The following CNTNAP2 variants were observed in gnomAD, a reference collection of about 807,000 sequenced individuals.
The protein encoded by CNTNAP2 is contactin associated protein 2.
A neutral mutation model predicts 155.2 loss-of-function variants in CNTNAP2; 98 were observed. That is an observed-to-expected ratio of 0.63 (90% confidence interval 0.54 to 0.75). The LOEUF is 0.75. Ranked by LOEUF, CNTNAP2 falls within the 30% of genes least tolerant of loss-of-function variation. The pLI is 0.00. For missense variants in CNTNAP2, 1,727 were observed against 1,688.1 expected (o/e 1.02, Z -0.40); for synonymous variants, 651 against 631.2 (o/e 1.03, Z -0.47).
At chr7:148,240,121 A>C (rs796498910) in intron 20 of CNTNAP2, among the ~76,000 whole-genome samples, 7 of 152,356 alleles carry the variant, frequency 4.6e-5, no homozygotes, top group African/African-American at 1.7e-4. Context: ...ATTAAAATTG[A>C]TTCCACTTTA....
intron 1 of CNTNAP2, among the ~76,000 whole-genome samples, chr7:146,769,884 G>T (rs1802262570): frequency 6.6e-6 from 1 of 152,056 alleles, no homozygotes; most frequent in Non-Finnish European, 1.5e-5. Flanking sequence ...AAAGCAATCT[G>T]TGGGCTGGGT....
chr7:146,618,022 T>C (rs1410699832), intron 1 of CNTNAP2, among the ~76,000 whole-genome samples: 1 of 152,018 alleles, frequency 6.6e-6, no homozygotes, highest in African/African-American at 2.4e-5. Context: ...GGTTAATTTT[T>C]TAAAAAAAGT....
chr7:147,390,799 T>C (rs896077946), intron 9 of CNTNAP2, among the ~76,000 whole-genome samples: 1 of 152,100 alleles, frequency 6.6e-6, no homozygotes, highest in Admixed American at 6.6e-5. Flanking sequence ...AGGCCGTAAA[T>C]ATTAGGAGGT....
chr7:146,222,541 A>AGTGTGTGTGTGTGTGTGT (rs10616515), intron 1 of CNTNAP2, among the ~76,000 whole-genome samples: 1 of 147,268 alleles, frequency 6.8e-6, no homozygotes, highest in African/African-American at 2.5e-5. Flanking sequence ...ACTAAAGCAT[A>AGTGTGTGTGTGTGTGTGT]GTGTGTGTGT....
At chr7:147,193,707 T>A (rs1802725072) in intron 8 of CNTNAP2, among the ~76,000 whole-genome samples, 1 of 151,948 alleles carries the variant, frequency 6.6e-6, no homozygotes, top group African/African-American at 2.4e-5. Context: ...ATGAAAGGAA[T>A]GTAGGAAAGG....
intron 1 of CNTNAP2, among the ~76,000 whole-genome samples, chr7:146,292,742 A>G (rs1312728175): frequency 6.6e-6 from 1 of 152,232 alleles, no homozygotes; most frequent in East Asian, 1.9e-4. Context: ...GTGAAATTGG[A>G]AAACGTTTTG....
At chr7:146,675,170 G>GA (rs35323569) in intron 1 of CNTNAP2, among the ~76,000 whole-genome samples, 1,618 of 150,654 alleles carry the variant, frequency 0.011, 22 homozygotes, top group African/African-American at 0.037. Flanking sequence ...AGATGTTTGA[G>GA]AAAAAAAAAA....
intron 1 of CNTNAP2, among the ~76,000 whole-genome samples, chr7:146,755,060 T>C (rs1326029155): frequency 6.6e-6 from 1 of 151,916 alleles, no homozygotes; most frequent in Non-Finnish European, 1.5e-5. Context: ...TTTGGTGGTA[T>C]TTTAGGGTGA....
intron 1 of CNTNAP2, among the ~76,000 whole-genome samples, chr7:146,562,995 C>T (rs1798302804): frequency 6.6e-6 from 1 of 152,086 alleles, no homozygotes; most frequent in Admixed American, 6.6e-5. Flanking sequence ...AGAAAGTGCT[C>T]TAATATTACA....
intron 3 of CNTNAP2, among the ~76,000 whole-genome samples, chr7:147,014,495 A>G (rs2129244601): frequency 6.6e-6 from 1 of 152,290 alleles, no homozygotes; most frequent in South Asian, 2.1e-4. Flanking sequence ...ATGAAAGTAA[A>G]TAATTATTTA....
chr7:146,232,525 G>T (rs1173620252), intron 1 of CNTNAP2, among the ~76,000 whole-genome samples: 1 of 152,066 alleles, frequency 6.6e-6, no homozygotes, highest in Non-Finnish European at 1.5e-5. Context: ...TCCTCATTTG[G>T]AGTGAGACTA....
intron 21 of CNTNAP2, among the ~76,000 whole-genome samples, chr7:148,333,155 C>T (rs377394881): frequency 2.6e-5 from 4 of 152,092 alleles, no homozygotes; most frequent in Admixed American, 6.5e-5. Context: ...AGGCTGGAAA[C>T]GGTGGCTCAC....
intron 15 of CNTNAP2, among the ~76,000 whole-genome samples, chr7:147,996,382 T>C (rs1180194739): frequency 1.3e-5 from 2 of 152,214 alleles, no homozygotes; most frequent in Non-Finnish European, 2.9e-5. Context: ...CCCAGTAACC[T>C]GTTTTTAAGA....
chr7:147,353,497 T>C (rs905108538), intron 9 of CNTNAP2, among the ~76,000 whole-genome samples: 1 of 152,128 alleles, frequency 6.6e-6, no homozygotes, highest in African/African-American at 2.4e-5. Flanking sequence ...TATGGCTGCA[T>C]AGTATTCCGT....
At chr7:146,976,808 G>A (rs1439856632) in intron 3 of CNTNAP2, among the ~76,000 whole-genome samples, 1 of 152,180 alleles carries the variant, frequency 6.6e-6, no homozygotes, top group Admixed American at 6.5e-5. Flanking sequence ...ACCCGGCAAA[G>A]CCTGTCTGTT....
chr7:147,244,275 C>A (rs1804006557), intron 8 of CNTNAP2, among the ~76,000 whole-genome samples: 1 of 152,220 alleles, frequency 6.6e-6, no homozygotes, highest in Non-Finnish European at 1.5e-5. Context: ...CTGAACATCT[C>A]CGCTTTATCA....
chr7:146,932,094 A>G (rs1306372266), intron 3 of CNTNAP2, among the ~76,000 whole-genome samples: 1 of 152,012 alleles, frequency 6.6e-6, no homozygotes, highest in Non-Finnish European at 1.5e-5. Context: ...TTATGAGGCC[A>G]GCATCATCCT....
intron 10 of CNTNAP2, among the ~76,000 whole-genome samples, chr7:147,475,157 A>G (rs1798294881): frequency 6.6e-6 from 1 of 152,286 alleles, no homozygotes; most frequent in African/African-American, 2.4e-5. Flanking sequence ...ATTTTTCCCT[A>G]GATTTTTTGG....
chr7:147,876,260 G>A (rs868131915), intron 13 of CNTNAP2, among the ~76,000 whole-genome samples: 1 of 152,080 alleles, frequency 6.6e-6, no homozygotes, highest in African/African-American at 2.4e-5. Flanking sequence ...TTTGCTTACT[G>A]ACATGTATTG....
Sources: gnomAD v4.1 joint callset for allele counts (sites outside exome capture counted in the v4.1 genomes callset) on GRCh38, gnomAD v4.1.1 for gene constraint, MANE v1.5 for transcripts, NCBI Gene and HGNC (gene_info 2026-07-23, HGNC 2026-07-21) for gene names.